The following GPSM2 variants were observed in gnomAD, a reference collection of about 807,000 sequenced individuals.
GPSM2 encodes the protein G protein signaling modulator 2, also known as G protein-signaling modulator 2.
Under a neutral mutation model 78.4 loss-of-function variants are expected in GPSM2, and 58 were observed. That is an observed-to-expected ratio of 0.74 (90% CI 0.60 to 0.92). The LOEUF is 0.92. Ranked by LOEUF, GPSM2 falls within the 40% of genes least tolerant of loss-of-function variation. The pLI is 0.00. For missense variants in GPSM2, 700 were observed against 815.5 expected (o/e 0.86, Z 1.73); for synonymous variants, 224 against 280.2 (o/e 0.80, Z 2.00).
At chr1:108,917,607 C>CAT (rs1650330775) in intron 11 of GPSM2, among the ~76,000 whole-genome samples, 1 of 26,178 alleles carries the variant, frequency 3.8e-5, no homozygotes, top group African/African-American at 2.1e-4. Flanking sequence ...CACACACACA[C>CAT]ACACATATAT....
chr1:108,903,779 A>C (rs1649011571), intron 9 of GPSM2, among the ~76,000 whole-genome samples: 1 of 152,192 alleles, frequency 6.6e-6, no homozygotes, highest in South Asian at 2.1e-4. Context: ...TATTCTAAGA[A>C]AATTTTATTC....
chr1:108,916,617 C>T (rs887842861), intron 11 of GPSM2, among the ~76,000 whole-genome samples: 15 of 152,154 alleles, frequency 9.9e-5, no homozygotes, highest in African/African-American at 2.9e-4. Flanking sequence ...TAATAAGTAG[C>T]AAAATTAATT....
rs1229051891 is a variant in GPSM2 at position 108,932,269 on chromosome 1, CAA to C, written c.*2336_*2337del. ...AGCCTGGGTGACAGAGCAAAACTCTCAAAAAAAAGTAAAATTTCAAAAAAGCT... is the reference window on the plus strand; with the variant it reads ...AGCCTGGGTGACAGAGCAAAACTCTCAAAAAAGTAAAATTTCAAAAAAGCT... On this transcript the variant is annotated 3_prime_UTR_variant, in exon 15 of 15. Transcript: ENST00000264126. 6.6e-6 allele frequency: 1 copy of C among 151,554 alleles called. No individual in the cohort carries two copies. Among genetic ancestry groups the C allele is most frequent in the Non-Finnish European group, 1.5e-5 (1 of 67,888 alleles). 9.4% of individuals were successfully genotyped at this position (151,554 alleles called of 1,614,324 possible).
Position 108,898,995 on chromosome 1 carries a change from G to A in GPSM2, c.797+1G>A. The A allele has an allele frequency of 6.9e-7, 1 of 1,459,568 alleles. No individual in the cohort carries two copies. The highest frequency in any genetic ancestry group is 9.6e-7 in the Non-Finnish European group (1 of 1,039,822). 90.4% of individuals were successfully genotyped at this position (1,459,568 alleles called of 1,614,324 possible). A position where few individuals can be genotyped will look rare whatever the true frequency, so the allele number is the denominator to read the frequency against. On this transcript the variant is annotated splice_donor_variant, in intron 7 of 14. Transcript: ENST00000264126. LOFTEE classifies it high-confidence loss of function. Reference sequence around the variant, plus strand: ...TTGAAACTGCCTCGGAATACTACAAGTTAGTCTAATATTTCTGTAGATAAA... The same window carrying A: ...TTGAAACTGCCTCGGAATACTACAAATTAGTCTAATATTTCTGTAGATAAA...
intron 10 of GPSM2, among the ~76,000 whole-genome samples, chr1:108,908,952 C>T (rs998964476): frequency 5.3e-5 from 8 of 151,778 alleles, no homozygotes; most frequent in African/African-American, 1.9e-4. Flanking sequence ...GACCTGGGCA[C>T]ACAGGGAGAC....
At chr1:108,928,813 AC>A (rs953650261) in intron 14 of GPSM2, among the ~76,000 whole-genome samples, 18 of 151,904 alleles carry the variant, frequency 1.2e-4, no homozygotes, top group Non-Finnish European at 2.9e-5. Context: ...ACATGGTGAA[AC>A]CCCCATCTCT....
At chr1:108,898,446 T>C (rs1205084634) in intron 5 of GPSM2, among the ~76,000 whole-genome samples, 196 bp from the exon 6 acceptor site, 1 of 152,222 alleles carries the variant, frequency 6.6e-6, no homozygotes, top group Non-Finnish European at 1.5e-5. Context: ...CAGAAACCTA[T>C]CTGAATAGTT....
intron 1 of GPSM2, among the ~76,000 whole-genome samples, chr1:108,883,176 T>C (rs577439994): frequency 1.3e-5 from 2 of 152,378 alleles, no homozygotes; most frequent in Admixed American, 6.5e-5. Flanking sequence ...TTGTTATTAA[T>C]GTGAAAACCT....
Position 108,929,862 on chromosome 1 carries a change from CT to C in GPSM2, c.1980del (p.Phe660LeufsTer3), listed in dbSNP as rs1651609962. ...AAAGAGATCAAAACAGAGACACTGA[CT>C]TTGGGCTAAAGGACTTTTTGCAAAA... ...LQRDQNRDTD[F>X]GLKDFLQNNA... On this transcript the variant is annotated frameshift_variant, in exon 15 of 15. Transcript: ENST00000264126. LOFTEE classifies it high-confidence loss of function. 1 of 1,613,676 alleles carries C rather than the reference CT, an allele frequency of 6.2e-7. No homozygotes were observed. The highest frequency in any genetic ancestry group is 1.3e-5 in the African/African-American group (1 of 74,906).
chr1:108,903,120 T>C lies in GPSM2; in HGVS notation c.954-6T>C. ...AACTGCATGTTCGCTTTGAATAACG[T>C]TTTAGAATTGGTGAAGGAAGAGCAT... is the stretch of plus-strand genomic sequence containing the variant. On this transcript the variant is annotated splice_region_variant and splice_polypyrimidine_tract_variant and intron_variant, in intron 8 of 14. Transcript: ENST00000264126. 1 of 1,551,072 alleles carries C rather than the reference T, an allele frequency of 6.4e-7. No individual in the cohort carries two copies. Among genetic ancestry groups the C allele is most frequent in the South Asian group, 1.1e-5 (1 of 89,848 alleles).
At chr1:108,901,030 T>C (rs951783372) in intron 7 of GPSM2, among the ~76,000 whole-genome samples, 1 of 152,242 alleles carries the variant, frequency 6.6e-6, no homozygotes, top group African/African-American at 2.4e-5. Flanking sequence ...GCAACTACTA[T>C]GCACAAGATG....
intron 9 of GPSM2, 108 bp downstream of exon 9, chr1:108,903,342 T>A: frequency 1.5e-6 from 1 of 687,636 alleles, no homozygotes; most frequent in Non-Finnish European, 2.6e-6. Context: ...ATAATAAATT[T>A]GATTATATAT....
At chr1:108,902,975 G>A (rs1648929903) in intron 8 of GPSM2, 151 bp from the exon 9 acceptor site, 1 of 628,246 alleles carries the variant, frequency 1.6e-6, no homozygotes, top group Non-Finnish European at 2.9e-6. Context: ...ATTCTAGTAT[G>A]TCTATAATAT....
rs1010613808 is a variant in GPSM2 at position 108,933,064 on chromosome 1, T to C, written c.*3124T>C. ...CCTGGCTAGTTTTATTTTTAGTACA[T>C]AGCCTTGAACAACTGAGCTTAAGCG... On this transcript the variant is annotated 3_prime_UTR_variant, in exon 15 of 15. Transcript: ENST00000264126. 6 of 152,218 alleles carry C rather than the reference T, an allele frequency of 3.9e-5. No homozygotes were observed. The highest frequency in any genetic ancestry group is 1.4e-4 in the African/African-American group (6 of 41,438). 9.4% of individuals were successfully genotyped at this position (152,218 alleles called of 1,614,324 possible). A position where few individuals can be genotyped will look rare whatever the true frequency, so the allele number is the denominator to read the frequency against.
In GPSM2 at chr1:108,931,890, A is replaced by G. The variant is rs1229790932; in HGVS notation, c.*1950A>G. 3.1e-5 allele frequency: 5 copies of G among 160,222 alleles called. No homozygotes were observed. Among genetic ancestry groups the G allele is most frequent in the Non-Finnish European group, 6.8e-5 (5 of 73,022 alleles). 9.9% of individuals were successfully genotyped at this position (160,222 alleles called of 1,614,324 possible). On this transcript the variant is annotated 3_prime_UTR_variant, in exon 15 of 15. Transcript: ENST00000264126. ...TTGTGTATTATTTTGTGTATACAAT[A>G]GTTCTTACAGCCTGTAAACATTCAA...
intron 10 of GPSM2, among the ~76,000 whole-genome samples, chr1:108,906,556 C>CCTTTT (rs1649235109): frequency 7.6e-6 from 1 of 132,036 alleles, no homozygotes. Context: ...AGCCAGAGTG[C>CCTTTT]TTTTTTTTTT....
At chr1:108,925,464 G>T (rs1172303412) in intron 14 of GPSM2, among the ~76,000 whole-genome samples, 4 of 145,012 alleles carry the variant, frequency 2.8e-5, no homozygotes, top group African/African-American at 9.9e-5. Flanking sequence ...CTACTGGTTA[G>T]ATGGAGGAAG....
chr1:108,887,793 A>G (rs565417273), intron 2 of GPSM2, among the ~76,000 whole-genome samples: 1 of 152,316 alleles, frequency 6.6e-6, no homozygotes, highest in East Asian at 1.9e-4. Context: ...CTCAGCCTTC[A>G]TAAATGAGCA....
intron 11 of GPSM2, among the ~76,000 whole-genome samples, chr1:108,917,609 C>CATATATAT (rs761319516): frequency 1.1e-5 from 1 of 90,276 alleles, no homozygotes; most frequent in Non-Finnish European, 2.5e-5. Context: ...CACACACACA[C>CATATATAT]ACATATATAT....
Sources: gnomAD v4.1 joint callset for allele counts (sites outside exome capture counted in the v4.1 genomes callset) on GRCh38, gnomAD v4.1.1 for gene constraint, MANE v1.5 for transcripts, NCBI Gene and HGNC (gene_info 2026-07-23, HGNC 2026-07-21) for gene names.